Variants in MAP3K13 observed in about 807,000 individuals in gnomAD.
MAP3K13 encodes the protein mitogen-activated protein kinase kinase kinase 13.
MAP3K13 carries 52 observed loss-of-function variants against 104.0 expected under a neutral mutation model. The ratio of observed to expected loss-of-function variants is 0.50; its 90% CI spans 0.40 to 0.63. The LOEUF (loss-of-function observed/expected upper bound fraction) is 0.63, where lower values mean the gene tolerates loss of function less well. Ranked by LOEUF, MAP3K13 falls within the 20% of genes least tolerant of loss-of-function variation. MAP3K13 has a pLI of 0.00. For missense variants in MAP3K13, 914 were observed against 1,218.5 expected (o/e 0.75, Z 3.72); for synonymous variants, 394 against 442.2 (o/e 0.89, Z 1.37).
intron 1 of MAP3K13, among the ~76,000 whole-genome samples, chr3:185,411,972 T>C (rs1402528901): frequency 6.6e-6 from 1 of 151,956 alleles, no homozygotes; most frequent in Non-Finnish European, 1.5e-5. Context: ...TTAGTAGATA[T>C]GGGGTTTCAC....
In MAP3K13 at chr3:185,437,411, G is replaced by T. The variant is rs746366635; in HGVS notation, c.476-36G>T. On this transcript the variant is annotated intron_variant, in intron 2 of 13. Coordinates refer to ENST00000265026, the MANE Select transcript of MAP3K13 (RefSeq NM_004721.5). ...GGCCTTGTAGAGTGGTCCCTTCTGA[G>T]ATCTCTTCAAGCTTATTTCTTGCTT... 11 of 1,593,274 alleles carry T rather than the reference G, an allele frequency of 6.9e-6. No individual in the cohort carries two copies. In the East Asian group the frequency reaches 2.5e-4, roughly 36 times the overall value.
intron 7 of MAP3K13, among the ~76,000 whole-genome samples, chr3:185,455,689 T>TC (rs1716617672): frequency 5.9e-4 from 19 of 32,428 alleles, no homozygotes; most frequent in South Asian, 2.8e-3. Context: ...GAGATATATA[T>TC]ATGATATATA....
At chr3:185,402,123 TG>T (rs1560087545) in intron 1 of MAP3K13, among the ~76,000 whole-genome samples, 1 of 152,170 alleles carries the variant, frequency 6.6e-6, no homozygotes, top group Non-Finnish European at 1.5e-5. Context: ...TTCTGGCATT[TG>T]GGGAATCTCA....
intron 2 of MAP3K13, among the ~76,000 whole-genome samples, chr3:185,308,648 G>C (rs1314662564): frequency 1.3e-5 from 2 of 152,190 alleles, no homozygotes; most frequent in Non-Finnish European, 2.9e-5. Flanking sequence ...AGCATCCAAA[G>C]TATTCTGGTT....
intron 2 of MAP3K13, among the ~76,000 whole-genome samples, chr3:185,435,830 T>C (rs1470224896): frequency 6.6e-6 from 1 of 152,176 alleles, no homozygotes; most frequent in Non-Finnish European, 1.5e-5. Flanking sequence ...GTAGCTCACT[T>C]CTAGAGGCAG....
rs930308945 is a variant in MAP3K13 at position 185,451,391 on chromosome 3, C to T, written c.1274C>T (p.Ser425Phe). Residue 425 changes from serine (S) to phenylalanine (F), a missense_variant, in exon 7 of 14, where the codon TCT becomes TTT. Around this residue, in one of 3 missense-constraint regions of MAP3K13, gnomAD observed 583 missense variants for 737.4 expected, o/e 0.79. Coordinates refer to ENST00000265026, the MANE Select transcript of MAP3K13 (RefSeq NM_004721.5). ...ACCCCACAAGAAACTTACTTCAAGT[C>T]TCAGGTAAGTTGGGAAACTTCCTAC... ...LATPQETYFKSQAEWREEVKK... is the reference protein window; with the variant it reads ...LATPQETYFKFQAEWREEVKK... The T allele has an allele frequency of 3.7e-6, 6 of 1,608,346 alleles. No individual in the cohort carries two copies. The highest frequency in any genetic ancestry group is 5.1e-6 in the Non-Finnish European group (6 of 1,174,876).
chr3:185,390,508 C>A (rs1281416626), intron 1 of MAP3K13, among the ~76,000 whole-genome samples: 1 of 152,066 alleles, frequency 6.6e-6, no homozygotes, highest in East Asian at 1.9e-4. Context: ...TAATAGACAA[C>A]CCTTAGAGAA....
intron 2 of MAP3K13, among the ~76,000 whole-genome samples, chr3:185,435,064 C>T (rs188922637): frequency 1.8e-4 from 27 of 152,054 alleles, no homozygotes; most frequent in Admixed American, 1.2e-3. Context: ...AGTGCAGTGG[C>T]GCATTCTCAG....
At chr3:185,381,403 T>A (rs988054758) in intron 1 of MAP3K13, among the ~76,000 whole-genome samples, 1 of 152,252 alleles carries the variant, frequency 6.6e-6, no homozygotes, top group Non-Finnish European at 1.5e-5. Context: ...ATTCACCTAG[T>A]GGCTAGAATC....
chr3:185,289,602 A>G (rs964431011), intron 2 of MAP3K13, among the ~76,000 whole-genome samples: 5 of 152,112 alleles, frequency 3.3e-5, no homozygotes, highest in Non-Finnish European at 5.9e-5. Context: ...TAACTCCATG[A>G]GATATTAGAA....
chr3:185,314,888 A>G (rs549220297), intron 2 of MAP3K13, among the ~76,000 whole-genome samples: 1 of 152,078 alleles, frequency 6.6e-6, no homozygotes. Context: ...AGATCCTCCC[A>G]TCTCGGCCTC....
chr3:185,419,227 C>A (rs1184783111), intron 1 of MAP3K13, among the ~76,000 whole-genome samples: 1 of 152,124 alleles, frequency 6.6e-6, no homozygotes, highest in African/African-American at 2.4e-5. Flanking sequence ...GTCTCGAACT[C>A]CTGACCTCAG....
At chr3:185,469,866 G>T (rs1164764901) in intron 10 of MAP3K13, among the ~76,000 whole-genome samples, 1 of 152,230 alleles carries the variant, frequency 6.6e-6, no homozygotes, top group South Asian at 2.1e-4. Flanking sequence ...AATTAGGAGA[G>T]ACTTTTTGTC....
rs1016595229 is a variant in MAP3K13 at position 185,486,654 on chromosome 3, A to G, written c.*4198A>G. ...ATTTCAAGCTGCTTCATTGATGGAA[A>G]GTTTCACCATCTTGGGATGAATGTC... On this transcript the variant is annotated 3_prime_UTR_variant, in exon 14 of 14. Transcript: ENST00000265026. 2.6e-5 allele frequency: 4 copies of G among 152,232 alleles called. No homozygotes were observed. Among genetic ancestry groups the G allele is most frequent in the African/African-American group, 9.6e-5 (4 of 41,454 alleles). 9.4% of individuals were successfully genotyped at this position (152,232 alleles called of 1,614,324 possible). A position where few individuals can be genotyped will look rare whatever the true frequency, so the allele number is the denominator to read the frequency against.
Position 185,307,545 on chromosome 3 carries a change from C to A in MAP3K13, c.-86+21902C>A, listed in dbSNP as rs1053316927. Among the ~76,000 whole-genome samples, 5 of 48,150 alleles carry A rather than the reference C, an allele frequency of 1.0e-4. 2 individuals carry two copies. Among genetic ancestry groups the A allele is most frequent in the Admixed American group, 5.5e-4 (3 of 5,500 alleles). 31.6% of individuals were successfully genotyped at this position (48,150 alleles called of 152,430 possible). ...ATAATTTCCATTTGGTGCACCACCC[C>A]CTCCCCCGCCACCCCGAGATGCAGT... On this transcript the variant is annotated intron_variant, in intron 2 of 14. Transcript: ENST00000424227.
chr3:185,467,251 T>C (rs1173770630), intron 10 of MAP3K13, among the ~76,000 whole-genome samples: 1 of 152,212 alleles, frequency 6.6e-6, no homozygotes, highest in East Asian at 1.9e-4. Context: ...TTATAAGCTG[T>C]GTGAGTTGAC....
chr3:185,306,824 G>A (rs1721301295), intron 2 of MAP3K13, among the ~76,000 whole-genome samples: 1 of 152,084 alleles, frequency 6.6e-6, no homozygotes, highest in Non-Finnish European at 1.5e-5. Flanking sequence ...TGTTGCAATT[G>A]GTTTTGAGGA....
intron 1 of MAP3K13, among the ~76,000 whole-genome samples, chr3:185,401,679 G>A (rs552193356): frequency 6.6e-6 from 1 of 152,172 alleles, no homozygotes; most frequent in Non-Finnish European, 1.5e-5. Context: ...AAAAATACAC[G>A]TACTTATTAA....
At chr3:185,344,468 C>T (rs1577445907) in intron 2 of MAP3K13, among the ~76,000 whole-genome samples, 1 of 152,148 alleles carries the variant, frequency 6.6e-6, no homozygotes, top group African/African-American at 2.4e-5. Flanking sequence ...TTTTCTTAAA[C>T]ATATATTACC....
Sources: gnomAD v4.1 joint callset for allele counts (sites outside exome capture counted in the v4.1 genomes callset) on GRCh38, gnomAD v4.1.1 for gene constraint, gnomAD v4.1.1 regional missense constraint, MANE v1.5 for transcripts, NCBI Gene and HGNC (gene_info 2026-07-23, HGNC 2026-07-21) for gene names.